PIK3C2G: variants seen among roughly 807,000 people sequenced by gnomAD.
PIK3C2G encodes phosphatidylinositol 3-kinase C2 domain-containing subunit gamma.
In PIK3C2G, 168 loss-of-function variants were observed where a neutral mutation model predicts 181.1. The observed-to-expected ratio is 0.93, with a 90% CI of 0.82 to 1.05. The LOEUF is 1.05. Among genes scored for constraint, PIK3C2G ranks in the 50% least tolerant of loss-of-function variants. The pLI is 0.00. For synonymous variants in PIK3C2G, 573 were observed against 592.2 expected (o/e 0.97, Z 0.47); for missense variants, 1,869 against 1,732.8 (o/e 1.08, Z -1.40).
At chr12:18,398,490 T>C (rs1944028793) in intron 15 of PIK3C2G, among the ~76,000 whole-genome samples, 1 of 152,190 alleles carries the variant, frequency 6.6e-6, no homozygotes. Flanking sequence ...CTTTAAAAGA[T>C]TTTTTTATGT....
intron 29 of PIK3C2G, among the ~76,000 whole-genome samples, chr12:18,578,571 GA>G (rs1229063251): frequency 8.5e-5 from 13 of 152,062 alleles, no homozygotes; most frequent in Middle Eastern, 3.4e-3. Flanking sequence ...TTATATTCAA[GA>G]AATAAAAACA....
intron 16 of PIK3C2G, among the ~76,000 whole-genome samples, chr12:18,400,557 T>C (rs994944081): frequency 6.6e-6 from 1 of 152,172 alleles, no homozygotes; most frequent in African/African-American, 2.4e-5. Context: ...AACCCCGCTC[T>C]ATTCTGAATC....
intron 12 of PIK3C2G, among the ~76,000 whole-genome samples, chr12:18,366,507 G>C (rs1020825951): frequency 3.9e-5 from 6 of 152,048 alleles, no homozygotes; most frequent in African/African-American, 1.4e-4. Context: ...TCCAGCCTGG[G>C]CAACAGAGTG....
intron 16 of PIK3C2G, among the ~76,000 whole-genome samples, chr12:18,401,350 T>G (rs1399762521): frequency 6.6e-6 from 1 of 152,296 alleles, no homozygotes. Context: ...CATTGGGATA[T>G]TCACAATTCA....
chr12:18,269,463 T>A (rs1459440692), intron 1 of PIK3C2G, among the ~76,000 whole-genome samples: 1 of 152,126 alleles, frequency 6.6e-6, no homozygotes, highest in East Asian at 1.9e-4. Context: ...CTCCCCTAGG[T>A]TTTCCTCACC....
chr12:18,288,147 A>G (rs998851689), intron 3 of PIK3C2G, among the ~76,000 whole-genome samples: 3 of 152,246 alleles, frequency 2.0e-5, no homozygotes, highest in African/African-American at 7.2e-5. Context: ...GGGTGACAAG[A>G]GGGAAACTCC....
In PIK3C2G at chr12:18,488,449, G is replaced by C. The variant is rs1291245583; in HGVS notation, c.2505G>C (p.Trp835Cys). 1.3e-6 allele frequency: 2 copies of C among 1,501,340 alleles called. No individual in the cohort carries two copies. Among genetic ancestry groups the C allele is most frequent in the African/African-American group, 1.4e-5 (1 of 69,416 alleles). The allele number at this position is 1,501,340 out of a possible 1,614,324, so 93.0% of individuals were successfully genotyped here. Reference protein sequence around the residue: ...QSIQVAHRLYWLLKNAENEAY... With the variant: ...QSIQVAHRLYCLLKNAENEAY... Reference sequence around the variant, plus strand: ...ATTTTTTTCTCTCTCTTTCCTTCAGGCTGCTAAAAAATGCAGAAAATGAAG... The same window carrying C: ...ATTTTTTTCTCTCTCTTTCCTTCAGCCTGCTAAAAAATGCAGAAAATGAAG... The change falls in exon 19 of 33, where the codon TGG becomes TGC. Residue 835 changes from tryptophan (W) to cysteine (C), a missense_variant and splice_region_variant. Physicochemically the swap from Trp to Cys is radical, Grantham distance 215. Coordinates refer to ENST00000538779, the MANE Select transcript of PIK3C2G (RefSeq NM_001288772.2).
intron 2 of PIK3C2G, among the ~76,000 whole-genome samples, chr12:18,284,387 A>T (rs1467812750): frequency 6.6e-6 from 1 of 152,154 alleles, no homozygotes; most frequent in Admixed American, 6.6e-5. Flanking sequence ...AAATAAGACA[A>T]GGATTTTAAC....
chr12:18,334,007 A>T (rs1938251919), intron 8 of PIK3C2G, among the ~76,000 whole-genome samples: 1 of 152,176 alleles, frequency 6.6e-6, no homozygotes, highest in South Asian at 2.1e-4. Context: ...TTCAAGTATG[A>T]TTAATTAATT....
chr12:18,640,615 A>G (rs1949796420), intron 32 of PIK3C2G, 61 bp downstream of exon 32: 3 of 1,448,476 alleles, frequency 2.1e-6, no homozygotes, highest in South Asian at 1.3e-5. Context: ...TTTCAGCTTA[A>G]CAACCAAATA....
At chr12:18,554,301 G>A (rs1281761326) in intron 26 of PIK3C2G, among the ~76,000 whole-genome samples, 1 of 152,044 alleles carries the variant, frequency 6.6e-6, no homozygotes, top group East Asian at 1.9e-4. Context: ...TAACTTTAGT[G>A]TCTTCAGATT....
At chr12:18,511,220 T>C (rs888623806) in intron 24 of PIK3C2G, among the ~76,000 whole-genome samples, 8 of 152,164 alleles carry the variant, frequency 5.3e-5, no homozygotes, top group Non-Finnish European at 1.0e-4. Context: ...TCTTAATCTC[T>C]TCATCCATTG....
intron 6 of PIK3C2G, among the ~76,000 whole-genome samples, chr12:18,319,007 C>G (rs557721517): frequency 1.3e-5 from 2 of 151,982 alleles, no homozygotes; most frequent in African/African-American, 4.8e-5. Flanking sequence ...ATCGCTTGAA[C>G]CCGGGAGGTG....
At chr12:18,256,906 A>G (rs11043983), upstream of PIK3C2G, among the ~76,000 whole-genome samples, 192 of 152,146 alleles carry the variant, frequency 1.3e-3, 1 homozygote, top group South Asian at 0.014. Flanking sequence ...CCTAAAACAC[A>G]GCATTTTATA....
chr12:18,442,157 A>G (rs1004169384), intron 18 of PIK3C2G, among the ~76,000 whole-genome samples: 4 of 151,948 alleles, frequency 2.6e-5, no homozygotes, highest in Non-Finnish European at 5.9e-5. Flanking sequence ...TGCATCAATG[A>G]TATTTAAATG....
intron 16 of PIK3C2G, among the ~76,000 whole-genome samples, chr12:18,407,879 A>C (rs192138344): frequency 1.3e-3 from 191 of 152,266 alleles, no homozygotes; most frequent in African/African-American, 4.5e-3. Context: ...GTGTAGCTGA[A>C]GTCCAGGGGA....
chr12:18,414,346 G>A (rs1191771213), intron 16 of PIK3C2G, among the ~76,000 whole-genome samples: 2 of 151,918 alleles, frequency 1.3e-5, no homozygotes, highest in African/African-American at 4.8e-5. Flanking sequence ...TTAAAACTTA[G>A]CTTAAAAAAG....
chr12:18,257,784 GAA>G (rs1948161386), upstream of PIK3C2G, among the ~76,000 whole-genome samples: 1 of 144,390 alleles, frequency 6.9e-6, no homozygotes, highest in Non-Finnish European at 1.5e-5. Context: ...GAAAAAGAAA[GAA>G]AGAGAAAGAA....
At chr12:18,684,184 C>T in the PIK3C2G span, 1 of 1,612,226 alleles carries the variant, frequency 6.2e-7, no homozygotes, top group Non-Finnish European at 8.5e-7. Context: ...TCATTTCCTG[C>T]TATTAAACCT....
Sources: gnomAD v4.1 joint callset for allele counts (sites outside exome capture counted in the v4.1 genomes callset) on GRCh38, gnomAD v4.1.1 for gene constraint, MANE v1.5 for transcripts, NCBI Gene and HGNC (gene_info 2026-07-23, HGNC 2026-07-21) for gene names.